The following RNF130 variants were observed in gnomAD, a reference collection of about 807,000 sequenced individuals.
The protein encoded by RNF130 is E3 ubiquitin-protein ligase RNF130.
In RNF130, 21 loss-of-function variants were observed where a neutral mutation model predicts 44.6. The observed-to-expected ratio is 0.47, with a 90% CI of 0.33 to 0.68. The LOEUF (loss-of-function observed/expected upper bound fraction) is 0.68, where lower values mean the gene tolerates loss of function less well. Among genes scored for constraint, RNF130 ranks in the 30% least tolerant of loss-of-function variants. The probability of loss-of-function intolerance (pLI) is 0.02; values close to 1 mark genes in which losing one functional copy is unlikely to be tolerated. For synonymous variants in RNF130, 214 were observed against 210.4 expected (o/e 1.02, Z -0.15); for missense variants, 479 against 560.6 (o/e 0.85, Z 1.47).
At chr5:180,015,914 A>G (rs537854717) in intron 2 of RNF130, among the ~76,000 whole-genome samples, 1 of 152,354 alleles carries the variant, frequency 6.6e-6, no homozygotes, top group African/African-American at 2.4e-5. Flanking sequence ...CCATTCAACA[A>G]TATTTATTGA....
At chr5:180,003,686 C>CT (rs1249911417) in intron 3 of RNF130, among the ~76,000 whole-genome samples, 4 of 146,034 alleles carry the variant, frequency 2.7e-5, no homozygotes, top group Admixed American at 6.9e-5. Context: ...CTAAAAGCCA[C>CT]TATTTTTTTA....
At chr5:180,009,363 T>G (rs1176984321) in intron 3 of RNF130, among the ~76,000 whole-genome samples, 1 of 152,228 alleles carries the variant, frequency 6.6e-6, no homozygotes, top group Non-Finnish European at 1.5e-5. Flanking sequence ...GACGAAGGAC[T>G]TGTATCTGGA....
At chr5:180,062,637 A>G (rs1765012961) in intron 1 of RNF130, among the ~76,000 whole-genome samples, 1 of 152,258 alleles carries the variant, frequency 6.6e-6, no homozygotes, top group South Asian at 2.1e-4. Context: ...GAGGACTTGA[A>G]TCAGACAAGG....
At chr5:180,021,702 A>T (rs1024177291) in intron 2 of RNF130, among the ~76,000 whole-genome samples, 1 of 152,194 alleles carries the variant, frequency 6.6e-6, no homozygotes, top group African/African-American at 2.4e-5. Context: ...ACCTAGAACC[A>T]TTCAAGAGTA....
Position 179,955,626 on chromosome 5 carries a change from A to C in RNF130, c.*28T>G. On this transcript the variant is annotated 3_prime_UTR_variant, in exon 9 of 9. Transcript: ENST00000521389. ...AGGTTCTTTTTTCCTTCAAGGCAAA[A>C]TCAGTCAGAAAGCAGGTTTTTTCTT... The C allele has an allele frequency of 1.3e-6, 2 of 1,576,270 alleles. No homozygotes were observed. Among genetic ancestry groups the C allele is most frequent in the Middle Eastern group, 1.7e-4 (1 of 5,866 alleles).
At chr5:180,048,383 G>A (rs1207174042) in intron 1 of RNF130, among the ~76,000 whole-genome samples, 1 of 152,138 alleles carries the variant, frequency 6.6e-6, no homozygotes, top group South Asian at 2.1e-4. Context: ...TATTATCAAA[G>A]GCTACAGGAT....
chr5:179,958,605 A>T (rs1046167159), intron 8 of RNF130, among the ~76,000 whole-genome samples: 2 of 152,174 alleles, frequency 1.3e-5, no homozygotes, highest in Non-Finnish European at 2.9e-5. Context: ...CTTCTGTCTG[A>T]AGAATCAGGT....
At chr5:179,986,359 G>A (rs1314640952) in intron 3 of RNF130, among the ~76,000 whole-genome samples, 3 of 152,166 alleles carry the variant, frequency 2.0e-5, no homozygotes, top group Admixed American at 6.5e-5. Flanking sequence ...TTCTTGTAAC[G>A]TCATGACTTC....
chr5:179,956,302 T>C (rs1240732655), intron 8 of RNF130: 4 of 152,380 alleles, frequency 2.6e-5, no homozygotes, highest in Non-Finnish European at 1.5e-5. Flanking sequence ...TTAGCGTTGA[T>C]CTTTTTCTTT....
At chr5:179,915,143 C>G (rs772405378) in exon 8 of RNF130, 5 of 151,830 alleles carry the variant, frequency 3.3e-5, no homozygotes, top group Non-Finnish European at 7.4e-5. Flanking sequence ...GCCTGGCCAA[C>G]GTGGTGAAAC....
chr5:180,013,160 C>T lies in RNF130; in HGVS notation c.594G>A (p.Val198=), dbSNP rs773666019. Residue 198 remains valine (V), a synonymous_variant, in exon 3 of 9, where the codon GTG becomes GTA. Coordinates refer to ENST00000521389, the MANE Select transcript of RNF130 (RefSeq NM_018434.6). ...KNFSRGSLVF[V]SISFIVLMII... ...TCATCAAAACAATAAAGGATATTGA[C>T]ACGAAGACTAGAGAGCCACGGCTGA... 1.2e-6 allele frequency: 2 copies of T among 1,614,046 alleles called. No individual in the cohort carries two copies. The highest frequency in any genetic ancestry group is 1.3e-5 in the African/African-American group (1 of 75,002).
intron 5 of RNF130, chr5:179,976,707 T>TTTTTTTTTTTTTTTTTTTTTTA (rs1554102461): frequency 6.6e-6 from 1 of 151,100 alleles, no homozygotes. Flanking sequence ...TTTTTTTTTT[T>TTTTTTTTTTTTTTTTTTTTTTA]AAAAACAGAT....
Position 180,071,675 on chromosome 5 carries a change from C to T in RNF130, c.28G>A (p.Ala10Thr), listed in dbSNP as rs764648968. Residue 10 changes from alanine (A) to threonine (T), a missense_variant, in exon 1 of 9, where the codon GCC becomes ACC. Physicochemically the swap from Ala to Thr is moderately conservative, Grantham distance 58. Coordinates refer to ENST00000521389, the MANE Select transcript of RNF130 (RefSeq NM_018434.6). ...AGCAGGGCGAGCGCGGCGAGCCGGG[C>T]AGGGCCCGCCCGCCCCGCGCAGCTC... MSCAGRAGP[A>T]RLAALALLTC... The T allele has an allele frequency of 5.0e-6, 7 of 1,411,926 alleles. No individual in the cohort carries two copies. In the South Asian group the frequency reaches 5.8e-5, roughly 12 times the overall value. 87.5% of individuals were successfully genotyped at this position (1,411,926 alleles called of 1,614,324 possible). A position where few individuals can be genotyped will look rare whatever the true frequency, so the allele number is the denominator to read the frequency against.
At chr5:179,921,202 C>T (rs1178292457) in intron 7 of RNF130, among the ~76,000 whole-genome samples, 3 of 152,104 alleles carry the variant, frequency 2.0e-5, no homozygotes, top group African/African-American at 7.2e-5. Context: ...CCAGTGACAC[C>T]GACACCACCA....
chr5:180,028,482 G>A (rs1227557887), intron 2 of RNF130, among the ~76,000 whole-genome samples: 1 of 152,060 alleles, frequency 6.6e-6, no homozygotes, highest in African/African-American at 2.4e-5. Flanking sequence ...TTCTCTTTCT[G>A]GTCGAATCCT....
At chr5:179,972,601 G>T (rs1762610861) in intron 5 of RNF130, among the ~76,000 whole-genome samples, 1 of 152,036 alleles carries the variant, frequency 6.6e-6, no homozygotes, top group African/African-American at 2.4e-5. Flanking sequence ...ATGAGGGTGG[G>T]GGGTGGCTGG....
At chr5:179,935,132 G>A (rs1761870401) in intron 7 of RNF130, among the ~76,000 whole-genome samples, 1 of 152,032 alleles carries the variant, frequency 6.6e-6, no homozygotes, top group Non-Finnish European at 1.5e-5. Context: ...GAAGTATATT[G>A]TTTAATTCCA....
chr5:180,047,692 C>T (rs891207617), intron 1 of RNF130, among the ~76,000 whole-genome samples: 4 of 151,982 alleles, frequency 2.6e-5, no homozygotes, highest in Admixed American at 6.6e-5. Flanking sequence ...TGCAGTGAGC[C>T]GAGATTGCAC....
At chr5:180,067,824 A>G (rs781246288) in intron 1 of RNF130, among the ~76,000 whole-genome samples, 1 of 152,206 alleles carries the variant, frequency 6.6e-6, no homozygotes, top group Non-Finnish European at 1.5e-5. Flanking sequence ...CAAACATTAC[A>G]TGACCCCTTT....
Sources: gnomAD v4.1 joint callset for allele counts (sites outside exome capture counted in the v4.1 genomes callset) on GRCh38, gnomAD v4.1.1 for gene constraint, MANE v1.5 for transcripts, NCBI Gene and HGNC (gene_info 2026-07-23, HGNC 2026-07-21) for gene names.